Variants in COL19A1 observed in about 807,000 individuals in gnomAD.
COL19A1 encodes collagen type XIX alpha 1 chain.
COL19A1 carries 159 observed loss-of-function variants against 190.2 expected under a neutral mutation model. The ratio of observed to expected loss-of-function variants is 0.84; its 90% CI spans 0.73 to 0.95. The LOEUF is 0.95. Ranked by LOEUF, COL19A1 falls within the 40% of genes least tolerant of loss-of-function variation. The pLI is 0.00. For missense variants in COL19A1, 1,418 were observed against 1,431.9 expected (o/e 0.99, Z 0.16); for synonymous variants, 509 against 458.9 (o/e 1.11, Z -1.39).
rs1282438784 is a variant in COL19A1 at position 70,149,652 on chromosome 6, T to G, written c.1894-52T>G. Reference sequence around the variant, plus strand: ...TTAGTCTTTTATGTCACTTGGATAATTTATGGACATTCTTGGTGGAATTTT... The same window carrying G: ...TTAGTCTTTTATGTCACTTGGATAAGTTATGGACATTCTTGGTGGAATTTT... On this transcript the variant is annotated intron_variant, in intron 27 of 50. Coordinates refer to ENST00000620364, the MANE Select transcript of COL19A1 (RefSeq NM_001858.6). 4.4e-6 allele frequency: 7 copies of G among 1,602,220 alleles called. No individual in the cohort carries two copies. In the African/African-American group the frequency reaches 9.4e-5, roughly 22 times the overall value.
At chr6:70,189,313 T>C (rs1766714297) in intron 47 of COL19A1, among the ~76,000 whole-genome samples, 1 of 152,186 alleles carries the variant, frequency 6.6e-6, no homozygotes, top group African/African-American at 2.4e-5. Flanking sequence ...TTATAATAAA[T>C]TAAGGCTCAC....
chr6:69,962,821 T>C lies in COL19A1; in HGVS notation c.982-5T>C, dbSNP rs373851880. 132 of 1,603,944 alleles carry C rather than the reference T, an allele frequency of 8.2e-5. No individual in the cohort carries two copies. In the African/African-American group the frequency reaches 1.6e-3, roughly 20 times the overall value. ...TACTATACACATCATATTCCTCTTCTACAGGGAGAGCAAGGTTTTGAAGGC... is the reference window on the plus strand; with the variant it reads ...TACTATACACATCATATTCCTCTTCCACAGGGAGAGCAAGGTTTTGAAGGC... On this transcript the variant is annotated splice_polypyrimidine_tract_variant and splice_region_variant and intron_variant, in intron 10 of 50. Coordinates refer to ENST00000620364, the MANE Select transcript of COL19A1 (RefSeq NM_001858.6).
rs191256016 is a variant in COL19A1, at chr6:70,087,733, G to A, written c.1225-14436G>A. 5.3e-5 allele frequency among the ~76,000 whole-genome samples: 8 copies of A among 152,244 alleles called. No individual in the cohort carries two copies. In the East Asian group the frequency reaches 5.8e-4, roughly 11 times the overall value. On this transcript the variant is annotated intron_variant, in intron 15 of 50. Transcript: ENST00000620364. ...AACCTCGCCAGCAATGGTAAGGATC[G>A]CCACACTGCCAGTTCTTACCAGTGC...
intron 4 of COL19A1, among the ~76,000 whole-genome samples, chr6:69,915,274 C>T (rs16868360): frequency 0.17 from 26,514 of 152,104 alleles, 2,884 homozygotes; most frequent in African/African-American, 0.3. Flanking sequence ...TCATGGAGAA[C>T]AAATGCAACC....
rs903485774 is a variant in COL19A1, at chr6:70,207,047, G to C, written c.3301+69G>C. 3.1e-6 allele frequency: 5 copies of C among 1,603,092 alleles called. No homozygotes were observed. The South Asian group carries it at 4.5e-5, about 14-fold the overall frequency. On this transcript the variant is annotated intron_variant, in intron 50 of 50. Transcript: ENST00000620364. ...ATTAGAACCATGCTTCTCCCCTAGG[G>C]TCCTTATATGTCAAGTCGAGTGATC...
At chr6:70,064,681 G>T (rs1419128149) in intron 14 of COL19A1, among the ~76,000 whole-genome samples, 1 of 152,152 alleles carries the variant, frequency 6.6e-6, no homozygotes. Context: ...GTCCCTGTTT[G>T]CAGATGACAT....
chr6:70,121,834 T>C (rs1389007385), intron 16 of COL19A1, 46 bp from the exon 17 acceptor site: 1 of 1,181,376 alleles, frequency 8.5e-7, no homozygotes, highest in Admixed American at 2.2e-5. Flanking sequence ...TATTCATTGT[T>C]TTGGTAAATG....
At chr6:70,201,230 G>C (rs1183635263) in intron 49 of COL19A1, among the ~76,000 whole-genome samples, 1 of 152,184 alleles carries the variant, frequency 6.6e-6, no homozygotes, top group Non-Finnish European at 1.5e-5. Flanking sequence ...GGAAAATTGA[G>C]ATGATCAAGG....
chr6:70,068,596 T>C (rs993016584), intron 15 of COL19A1, 120 bp downstream of exon 15: 1 of 585,004 alleles, frequency 1.7e-6, no homozygotes, highest in South Asian at 2.5e-5. Flanking sequence ...GTATCAATTA[T>C]CCAAAGGCTG....
chr6:70,162,809 C>T (rs1787889843), intron 35 of COL19A1, among the ~76,000 whole-genome samples: 1 of 152,060 alleles, frequency 6.6e-6, no homozygotes, highest in African/African-American at 2.4e-5. Context: ...TTATACAGAA[C>T]AAACCTGGCT....
intron 4 of COL19A1, among the ~76,000 whole-genome samples, chr6:69,904,185 A>G (rs1416402283): frequency 6.6e-6 from 1 of 152,210 alleles, no homozygotes; most frequent in African/African-American, 2.4e-5. Flanking sequence ...TCTGGCCCCC[A>G]GGTATTCAGA....
intron 2 of COL19A1, among the ~76,000 whole-genome samples, chr6:69,892,403 GA>G (rs1200675116): frequency 6.6e-6 from 1 of 152,188 alleles, no homozygotes; most frequent in Non-Finnish European, 1.5e-5. Flanking sequence ...GATACGTTTT[GA>G]AACATGATTT....
chr6:70,127,722 T>A (rs929496157), intron 17 of COL19A1, among the ~76,000 whole-genome samples: 1 of 152,124 alleles, frequency 6.6e-6, no homozygotes, highest in Admixed American at 6.5e-5. Flanking sequence ...GCAGGGAAAC[T>A]TCCCTTTATA....
chr6:69,964,577 C>T (rs1170971883), intron 11 of COL19A1, among the ~76,000 whole-genome samples: 3 of 152,114 alleles, frequency 2.0e-5, no homozygotes, highest in African/African-American at 7.2e-5. Flanking sequence ...TAAATAGATT[C>T]TCACAGGTTA....
At chr6:69,997,428 A>G (rs1776987301) in intron 11 of COL19A1, among the ~76,000 whole-genome samples, 1 of 152,230 alleles carries the variant, frequency 6.6e-6, no homozygotes. Flanking sequence ...TCAGATACTG[A>G]ATTTAGCAAA....
At chr6:69,895,362 C>A (rs1353592338) in intron 2 of COL19A1, among the ~76,000 whole-genome samples, 1 of 152,224 alleles carries the variant, frequency 6.6e-6, no homozygotes, top group South Asian at 2.1e-4. Flanking sequence ...ATTTCACTCA[C>A]CACTTCTTGA....
At chr6:70,127,827 C>T (rs1284770997) in intron 17 of COL19A1, among the ~76,000 whole-genome samples, 1 of 152,098 alleles carries the variant, frequency 6.6e-6, no homozygotes, top group Non-Finnish European at 1.5e-5. Flanking sequence ...TGGGTCCCTC[C>T]CACAACATGT....
chr6:69,921,499 C>CATATATTCATATATATTCAT (rs1561998701), intron 4 of COL19A1, among the ~76,000 whole-genome samples: 4 of 12,820 alleles, frequency 3.1e-4, no homozygotes, highest in Non-Finnish European at 8.9e-4. Flanking sequence ...CATATATATT[C>CATATATTCATATATATTCAT]ATATATATTC....
rs201209378 is a variant in COL19A1, at chr6:70,156,660, G to A, written c.2239-10G>A. ...ATTGCATGTGCTAGCTGAATGTATT[G>A]TCTTTTTAGGGAAGCAAAGGAGAGC... On this transcript the variant is annotated splice_polypyrimidine_tract_variant and intron_variant, in intron 33 of 50. Transcript: ENST00000620364. 85 of 1,611,218 alleles carry A rather than the reference G, an allele frequency of 5.3e-5. No homozygotes were observed. Among genetic ancestry groups the A allele is most frequent in the Non-Finnish European group, 7.2e-5 (85 of 1,178,338 alleles).
Sources: allele counts gnomAD v4.1 joint callset (sites outside exome capture counted in the v4.1 genomes callset), GRCh38; gene constraint gnomAD v4.1.1; transcripts MANE v1.5; gene names NCBI Gene and HGNC (gene_info 2026-07-23, HGNC 2026-07-21).